AGMO: variants seen among roughly 807,000 people sequenced by gnomAD.
AGMO encodes the protein alkylglycerol monooxygenase.
Under a neutral mutation model 60.2 loss-of-function variants are expected in AGMO, and 75 were observed. That is an observed-to-expected ratio of 1.25 (90% CI 1.03 to 1.51). The LOEUF (loss-of-function observed/expected upper bound fraction) is 1.51. Ranked by LOEUF, AGMO falls within the 40% of genes most tolerant of loss-of-function variation. AGMO has a pLI of 0.00. For synonymous variants in AGMO, 261 were observed against 177.1 expected (o/e 1.47, Z -3.76); for missense variants, 763 against 525.5 (o/e 1.45, Z -4.42).
At chr7:15,261,411 A>G (rs1217377900) in intron 12 of AGMO, among the ~76,000 whole-genome samples, 1 of 152,090 alleles carries the variant, frequency 6.6e-6, no homozygotes, top group African/African-American at 2.4e-5. Context: ...CAAGAGATGA[A>G]TATATTCTTG....
In AGMO at chr7:15,260,323, A is replaced by G. The variant is rs1368754374; in HGVS notation, c.1264-58964T>C. Among the ~76,000 whole-genome samples the G allele has an allele frequency of 3.3e-5, 5 of 152,192 alleles. No homozygotes were observed. The East Asian group carries it at 7.7e-4, about 23-fold the overall frequency. On this transcript the variant is annotated intron_variant, in intron 12 of 12. Transcript: ENST00000342526. ...ACTTAAGAGAAAGGGGTAGAAAAAG[A>G]TATTCCATGCAAATGAACACCACAA...
At position 15,418,557 on chromosome 7, in the gene AGMO, C is replaced by T; in HGVS notation, c.609+1G>A. The T allele has an allele frequency of 6.4e-7, 1 of 1,574,790 alleles. No individual in the cohort carries two copies. Among genetic ancestry groups the T allele is most frequent in the Admixed American group, 1.8e-5 (1 of 55,584 alleles). Reference sequence around the variant, plus strand: ...CTTACAAAGATAAAAAAAAGTTTTACCTCTGTATGGATCCAAAATTGGTAA... The same window carrying T: ...CTTACAAAGATAAAAAAAAGTTTTATCTCTGTATGGATCCAAAATTGGTAA... On this transcript the variant is annotated splice_donor_variant, in intron 5 of 12. Coordinates refer to ENST00000342526, the MANE Select transcript of AGMO (RefSeq NM_001004320.2). LOFTEE classifies it high-confidence loss of function.
At chr7:15,482,650 G>A (rs1782791396) in intron 3 of AGMO, among the ~76,000 whole-genome samples, 1 of 152,102 alleles carries the variant, frequency 6.6e-6, no homozygotes, top group African/African-American at 2.4e-5. Context: ...GCTGATACTA[G>A]CATTTCTTTA....
At chr7:15,467,185 A>T (rs1271626406) in intron 3 of AGMO, among the ~76,000 whole-genome samples, 2 of 152,140 alleles carry the variant, frequency 1.3e-5, no homozygotes, top group Non-Finnish European at 2.9e-5. Flanking sequence ...ACAACAATAA[A>T]ATGTTGTACT....
At chr7:15,336,174 ATCTCT>A (rs1781653534) in intron 12 of AGMO, among the ~76,000 whole-genome samples, 1 of 152,138 alleles carries the variant, frequency 6.6e-6, no homozygotes, top group South Asian at 2.1e-4. Context: ...TCTACAGGTC[ATCTCT>A]TCTAACACAT....
chr7:15,544,659 A>T, intron 3 of AGMO, 113 bp downstream of exon 3: 1 of 944,140 alleles, frequency 1.1e-6, no homozygotes, highest in Non-Finnish European at 1.4e-6. Context: ...ATATCCGTAA[A>T]ATATACTATT....
intron 3 of AGMO, among the ~76,000 whole-genome samples, chr7:15,515,759 C>A (rs1204887756): frequency 1.3e-5 from 2 of 152,100 alleles, no homozygotes; most frequent in African/African-American, 4.8e-5. Flanking sequence ...ACAATGTTGT[C>A]CTGTAGGATT....
intron 3 of AGMO, among the ~76,000 whole-genome samples, chr7:15,440,984 C>T (rs28477653): frequency 0.041 from 6,218 of 152,268 alleles, 155 homozygotes; most frequent in African/African-American, 0.066. Flanking sequence ...TCTCTGGATT[C>T]GAACTTGGAC....
intron 10 of AGMO, among the ~76,000 whole-genome samples, chr7:15,369,640 A>T (rs750290426): frequency 1.3e-5 from 2 of 151,976 alleles, no homozygotes; most frequent in Non-Finnish European, 2.9e-5. Context: ...TTTCTGTTTT[A>T]TTGCTCTTCA....
At chr7:15,153,184 G>GTT in the AGMO span, among the ~76,000 whole-genome samples, 5 of 147,100 alleles carry the variant, frequency 3.4e-5, no homozygotes, top group African/African-American at 1.2e-4. Context: ...TGATAGGATT[G>GTT]TTTTTTTTTT....
the AGMO span, among the ~76,000 whole-genome samples, chr7:15,135,979 C>CTTTTTTTTTTTTTTTTTTTTGT: frequency 9.4e-6 from 1 of 106,868 alleles, no homozygotes; most frequent in Non-Finnish European, 1.8e-5. Context: ...TTTTTCTTTT[C>CTTTTTTTTTTTTTTTTTTTTGT]TTTTTTTTTT....
At chr7:15,457,766 A>C (rs868496704) in intron 3 of AGMO, among the ~76,000 whole-genome samples, 8 of 152,154 alleles carry the variant, frequency 5.3e-5, no homozygotes, top group Admixed American at 1.3e-4. Flanking sequence ...TTTTATTTAG[A>C]AGATGCAAAT....
At chr7:15,411,934 AC>A (rs1780623698) in intron 5 of AGMO, among the ~76,000 whole-genome samples, 1 of 152,104 alleles carries the variant, frequency 6.6e-6, no homozygotes, top group South Asian at 2.1e-4. Flanking sequence ...ATACTCTTAG[AC>A]TTCCATTAAT....
At chr7:15,209,248 C>A (rs989810468) in intron 12 of AGMO, among the ~76,000 whole-genome samples, 1 of 152,048 alleles carries the variant, frequency 6.6e-6, no homozygotes, top group African/African-American at 2.4e-5. Flanking sequence ...ACTTGATGTA[C>A]AAAAACTTCA....
intron 12 of AGMO, among the ~76,000 whole-genome samples, chr7:15,319,614 G>A (rs1182693042): frequency 1.3e-5 from 2 of 151,990 alleles, no homozygotes; most frequent in African/African-American, 2.4e-5. Flanking sequence ...GGAAAGTGAC[G>A]TTTTCCGAAG....
At chr7:15,181,673 A>G in the AGMO span, among the ~76,000 whole-genome samples, 1 of 152,156 alleles carries the variant, frequency 6.6e-6, no homozygotes, top group Non-Finnish European at 1.5e-5. Context: ...TAACTTTAAT[A>G]TTCACTATAA....
At chr7:15,461,489 GA>G (rs1442485872) in intron 3 of AGMO, among the ~76,000 whole-genome samples, 1 of 11,146 alleles carries the variant, frequency 9.0e-5, no homozygotes, top group African/African-American at 3.1e-4. Context: ...AAAACTAAAG[GA>G]AAAGGTGGTC....
the AGMO span, among the ~76,000 whole-genome samples, chr7:15,136,877 C>T: frequency 6.6e-6 from 1 of 151,134 alleles, no homozygotes; most frequent in Admixed American, 6.6e-5. Flanking sequence ...TCTAGATGTG[C>T]TATACAGGTG....
At chr7:15,240,301 C>T (rs929054351) in intron 12 of AGMO, among the ~76,000 whole-genome samples, 2 of 152,016 alleles carry the variant, frequency 1.3e-5, no homozygotes, top group South Asian at 2.1e-4. Flanking sequence ...AATATTAGAA[C>T]GTATACTAAA....
Sources: gnomAD v4.1 joint callset for allele counts (sites outside exome capture counted in the v4.1 genomes callset) on GRCh38, gnomAD v4.1.1 for gene constraint, MANE v1.5 for transcripts, NCBI Gene and HGNC (gene_info 2026-07-23, HGNC 2026-07-21) for gene names.